Variants in CPNE6 observed in about 807,000 individuals in gnomAD.
CPNE6 encodes the protein copine-6.
Under a neutral mutation model 71.5 loss-of-function variants are expected in CPNE6, and 33 were observed. The observed-to-expected ratio is 0.46, with a 90% CI of 0.35 to 0.62. The LOEUF (loss-of-function observed/expected upper bound fraction) is 0.62. Among genes scored for constraint, CPNE6 ranks in the 20% least tolerant of loss-of-function variants. The probability of loss-of-function intolerance (pLI) is 0.00; values close to 1 mark genes in which losing one functional copy is unlikely to be tolerated. For missense variants in CPNE6, 576 were observed against 747.3 expected, an observed-to-expected ratio of 0.77 and a Z score of 2.67; for synonymous variants, 296 against 293.0, an observed-to-expected ratio of 1.01 and a Z score of -0.10.
At chr14:24,072,710 C>T (rs1487808539) in intron 2 of CPNE6, 2 of 407,210 alleles carry the variant, frequency 4.9e-6, no homozygotes, top group African/African-American at 4.1e-5. Flanking sequence ...TCCACGCATA[C>T]CTAGGCCAGC....
Position 24,073,430 on chromosome 14 carries a change from C to T in CPNE6, c.169-69C>T. The T allele has an allele frequency of 6.6e-7, 1 of 1,519,536 alleles. No individual in the cohort carries two copies. The highest frequency in any genetic ancestry group is 1.3e-5 in the South Asian group (1 of 79,992). The allele number at this position is 1,519,536 out of a possible 1,614,324, so 94.1% of individuals were successfully genotyped here. A position where few individuals can be genotyped will look rare whatever the true frequency, so the allele number is the denominator to read the frequency against. On this transcript the variant is annotated intron_variant, in intron 3 of 17. Coordinates refer to ENST00000397016, the Ensembl canonical transcript of CPNE6. The surrounding 1 kb of genome is among the most constrained non-coding windows in gnomAD (Gnocchi z 5.5). ...CCAAGAAGAGCTGGCATGACTAGGG[C>T]AGTCCAGGACAGGGAAAAGTATCCT... is the stretch of plus-strand genomic sequence containing the variant.
In CPNE6 at chr14:24,075,277, G is replaced by A; in HGVS notation, c.777+1G>A. 1 of 1,613,224 alleles carries A rather than the reference G, an allele frequency of 6.2e-7. No individual in the cohort carries two copies. Among genetic ancestry groups the A allele is most frequent in the Non-Finnish European group, 8.5e-7 (1 of 1,179,188 alleles). On this transcript the variant is annotated splice_donor_variant, in intron 9 of 17. Transcript: ENST00000397016. LOFTEE classifies it high-confidence loss of function. This position sits in a 1 kb window ranked among gnomAD's most constrained non-coding sequence, Gnocchi z 4.3. The stretch of plus-strand genomic sequence containing the variant: ...AGGGACGGCAAACCCTGGGCAGGAG[G>A]TGCCACAAATACCCCACCCCCAGAA...
Position 24,075,093 on chromosome 14 carries a change from A to T in CPNE6, c.673-79A>T. ...CTAAGGCCCAAGTCCCCCTACTCCA[A>T]GTCCCCGAGTCCCCCTACTCACCGT... is the stretch of plus-strand genomic sequence containing the variant. On this transcript the variant is annotated intron_variant, in intron 8 of 17. Transcript: ENST00000397016. The surrounding 1 kb of genome is among the most constrained non-coding windows in gnomAD (Gnocchi z 4.3). The T allele has an allele frequency of 9.7e-7, 1 of 1,032,498 alleles. No individual in the cohort carries two copies. Among genetic ancestry groups the T allele is most frequent in the East Asian group, 2.4e-5 (1 of 42,190 alleles). 64.0% of individuals were successfully genotyped at this position (1,032,498 alleles called of 1,614,324 possible). A position where few individuals can be genotyped will look rare whatever the true frequency, so the allele number is the denominator to read the frequency against.
intron 1 of CPNE6, 61 bp from the exon 1 acceptor site, chr14:24,071,501 G>GGGGGCCCCCC: frequency 2.0e-5 from 28 of 1,416,680 alleles, no homozygotes; most frequent in South Asian, 2.6e-5. Flanking sequence ...CTGGTGCTGC[G>GGGGGCCCCCC]CCCCCCCCCA....
chr14:24,071,847 T>C, intron 2 of CPNE6: 1 of 523,144 alleles, frequency 1.9e-6, no homozygotes, highest in Non-Finnish European at 3.4e-6. Flanking sequence ...GCCCAGACCC[T>C]CCCTCACATA....
At position 24,077,318 on chromosome 14, in the gene CPNE6, C is replaced by G; in HGVS notation, c.1464C>G (p.Pro488=). The G allele has an allele frequency of 6.2e-7, 1 of 1,613,930 alleles. No homozygotes were observed. Among genetic ancestry groups the G allele is most frequent in the East Asian group, 2.2e-5 (1 of 44,886 alleles). Residue 488 remains proline, a synonymous_variant, in exon 16 of 18, where the codon CCC becomes CCG. Transcript: ENST00000397016. The surrounding 1 kb of genome is among the most constrained non-coding windows in gnomAD (Gnocchi z 6.1). ...GGCTGCTGGATGGCGACGACGGCCC[C>G]TTGCGCTGCCCCCGAGGGGTGCCTG...
In CPNE6 at chr14:24,077,053, T is replaced by C; in HGVS notation, c.1299+41T>C. On this transcript the variant is annotated intron_variant, in intron 15 of 17. Transcript: ENST00000397016. This position sits in a 1 kb window ranked among gnomAD's most constrained non-coding sequence, Gnocchi z 6.1. ...GGGCAAACAGGAGCTGTCCCATGTGTCTTTAAGTGGTGCCAGGGCCAGGGT... is the reference window on the plus strand; with the variant it reads ...GGGCAAACAGGAGCTGTCCCATGTGCCTTTAAGTGGTGCCAGGGCCAGGGT... The C allele has an allele frequency of 6.2e-7, 1 of 1,603,682 alleles. No individual in the cohort carries two copies. The highest frequency in any genetic ancestry group is 2.2e-5 in the East Asian group (1 of 44,812).
chr14:24,074,024 TG>T lies in CPNE6; in HGVS notation c.349-24del. The T allele has an allele frequency of 6.3e-7, 1 of 1,596,814 alleles. No individual in the cohort carries two copies. Among genetic ancestry groups the T allele is most frequent in the Non-Finnish European group, 8.6e-7 (1 of 1,164,180 alleles). ...CCAAGGCAGATGGGGATGTCACAGC[TG>T]GGTCTCCCTCCACCTCCATCCCCAG... On this transcript the variant is annotated intron_variant, in intron 4 of 17. Coordinates refer to ENST00000397016, the Ensembl canonical transcript of CPNE6. This position sits in a 1 kb window ranked among gnomAD's most constrained non-coding sequence, Gnocchi z 4.5.
Position 24,077,904 on chromosome 14 carries a change from T to C in CPNE6, c.*54T>C. Reference sequence around the variant, plus strand: ...CCCTCCCAGGTGCCTGTCCTGACCCTCGTGACTCCAGTGACCAATGCCTCC... The same window carrying C: ...CCCTCCCAGGTGCCTGTCCTGACCCCCGTGACTCCAGTGACCAATGCCTCC... On this transcript the variant is annotated 3_prime_UTR_variant, in exon 18 of 18. Coordinates refer to ENST00000397016, the Ensembl canonical transcript of CPNE6. This position sits in a 1 kb window ranked among gnomAD's most constrained non-coding sequence, Gnocchi z 6.1. 3.2e-6 allele frequency: 2 copies of C among 627,628 alleles called. No homozygotes were observed. Among genetic ancestry groups the C allele is most frequent in the Non-Finnish European group, 4.9e-6 (2 of 405,646 alleles). 38.9% of individuals were successfully genotyped at this position (627,628 alleles called of 1,614,324 possible).
chr14:24,076,651 C>T, intron 14 of CPNE6, 94 bp downstream of exon 13: 1 of 1,546,952 alleles, frequency 6.5e-7, no homozygotes, highest in Non-Finnish European at 8.9e-7. Flanking sequence ...CTTCCTGTCC[C>T]TTCCACCCAT....
exon 1 of CPNE6, chr14:24,071,013 T>C (rs1566546765): frequency 2.0e-6 from 3 of 1,535,660 alleles, no homozygotes; most frequent in Non-Finnish European, 2.6e-6. Flanking sequence ...GAAGATCACA[T>C]CCTGCTGTAT....
At chr14:24,072,627 A>C (rs1018378780) in intron 2 of CPNE6, 5 of 284,992 alleles carry the variant, frequency 1.8e-5, no homozygotes, top group African/African-American at 4.3e-5. Flanking sequence ...GAAAGTGTAG[A>C]TCAATCGATG....
rs2035962926 is a variant in CPNE6 at position 24,073,412 on chromosome 14, G to T, written c.169-87G>T. The T allele has an allele frequency of 7.0e-7, 1 of 1,423,354 alleles. No individual in the cohort carries two copies. Among genetic ancestry groups the T allele is most frequent in the African/African-American group, 1.4e-5 (1 of 69,910 alleles). The allele number at this position is 1,423,354 out of a possible 1,614,324, so 88.2% of individuals were successfully genotyped here. On this transcript the variant is annotated intron_variant, in intron 3 of 17. Transcript: ENST00000397016. The surrounding 1 kb of genome is among the most constrained non-coding windows in gnomAD (Gnocchi z 5.5). ...TGCTGGGGACGTGGGGGCCCAAGAA[G>T]AGCTGGCATGACTAGGGCAGTCCAG...
In CPNE6 at chr14:24,077,541, G is replaced by C. The variant is rs1470034954; in HGVS notation, c.1537-52G>C. The C allele has an allele frequency of 2.5e-6, 4 of 1,590,172 alleles. No homozygotes were observed. The highest frequency in any genetic ancestry group is 3.4e-6 in the Non-Finnish European group (4 of 1,165,662). On this transcript the variant is annotated intron_variant, in intron 16 of 17. Transcript: ENST00000397016. The surrounding 1 kb of genome is among the most constrained non-coding windows in gnomAD (Gnocchi z 6.1). ...CCCCACTTCTCCCTCAGATGACCCT[G>C]CCTCCCCTACTCTTCCTCTCACCCC...
chr14:24,076,592 C>G (rs368834507), intron 14 of CPNE6, 35 bp downstream of exon 13: 7 of 1,612,398 alleles, frequency 4.3e-6, no homozygotes, highest in Middle Eastern at 1.6e-4. Flanking sequence ...CCCGCCTCCC[C>G]GCAGACACAC....
Position 24,075,581 on chromosome 14 carries a change from C to G in CPNE6, c.854C>G (p.Ala285Gly). ...AAGAGCTCAGGGACGGTAGTGCTGG[C>G]CCAGTGCACGGTAAATTTCACTTCC... Residue 285 changes from alanine (A) to glycine (G), a missense_variant, in exon 10 of 18, where the codon GCC becomes GGC. By Grantham distance (60) the Ala-to-Gly change is moderately conservative (BLOSUM62 0). This residue lies in a region of CPNE6 where 214 missense variants were observed against 291.2 expected (regional missense o/e 0.73). Transcript: ENST00000397016. This position sits in a 1 kb window ranked among gnomAD's most constrained non-coding sequence, Gnocchi z 4.3. The G allele has an allele frequency of 6.2e-7, 1 of 1,610,386 alleles. No homozygotes were observed. The highest frequency in any genetic ancestry group is 8.5e-7 in the Non-Finnish European group (1 of 1,178,268).
rs769460713 is a variant in CPNE6, at chr14:24,071,282, T to C, written c.-119-245T>C. ...TCGCCATCATTTCTCTGTTTGAATG[T>C]GTATGTGCATGCCACTGCAATGTGC... On this transcript the variant is annotated intron_variant, in intron 1 of 17. Transcript: ENST00000397016. 100 of 1,307,088 alleles carry C rather than the reference T, an allele frequency of 7.7e-5. 1 individual carries two copies. The highest frequency in any genetic ancestry group is 1.0e-4 in the Non-Finnish European group (98 of 980,970). The allele number at this position is 1,307,088 out of a possible 1,614,324, so 81.0% of individuals were successfully genotyped here.
At position 24,073,771 on chromosome 14, in the gene CPNE6, T is replaced by C. The variant is rs1282185312; in HGVS notation, c.348+93T>C. 1 of 1,367,552 alleles carries C rather than the reference T, an allele frequency of 7.3e-7. No homozygotes were observed. Among genetic ancestry groups the C allele is most frequent in the East Asian group, 2.4e-5 (1 of 42,388 alleles). 84.7% of individuals were successfully genotyped at this position (1,367,552 alleles called of 1,614,324 possible). A position where few individuals can be genotyped will look rare whatever the true frequency, so the allele number is the denominator to read the frequency against. On this transcript the variant is annotated intron_variant, in intron 4 of 17. Transcript: ENST00000397016. This position sits in a 1 kb window ranked among gnomAD's most constrained non-coding sequence, Gnocchi z 5.5. ...AGAGAGAAAACATGAGCTCTAGAGCTAGTTCAACCCAGCCTTGGCTCCCAT... is the reference window on the plus strand; with the variant it reads ...AGAGAGAAAACATGAGCTCTAGAGCCAGTTCAACCCAGCCTTGGCTCCCAT...
In CPNE6 at chr14:24,073,163, G is replaced by C. The variant is rs776592004; in HGVS notation, c.168+59G>C. On this transcript the variant is annotated intron_variant, in intron 3 of 17. Transcript: ENST00000397016. The surrounding 1 kb of genome is among the most constrained non-coding windows in gnomAD (Gnocchi z 5.5). ...TGGGTTAAGCTTGGGAAAGAGGGAGGCTGGGTGGGAGCAGTGAAAGCCTTG... is the reference window on the plus strand; with the variant it reads ...TGGGTTAAGCTTGGGAAAGAGGGAGCCTGGGTGGGAGCAGTGAAAGCCTTG... The C allele has an allele frequency of 7.1e-7, 1 of 1,398,824 alleles. No homozygotes were observed. Among genetic ancestry groups the C allele is most frequent in the African/African-American group, 1.5e-5 (1 of 67,340 alleles). The allele number at this position is 1,398,824 out of a possible 1,614,324, so 86.7% of individuals were successfully genotyped here.
Sources: gnomAD v4.1 joint callset for allele counts on GRCh38, gnomAD v4.1.1 for gene constraint, gnomAD v4.1.1 regional missense constraint, Gnocchi (gnomAD v3.1) non-coding constraint, MANE v1.5 for transcripts, NCBI Gene and HGNC (gene_info 2026-07-23, HGNC 2026-07-21) for gene names.